The following GRM3 variants were observed in gnomAD, a reference collection of about 807,000 sequenced individuals.
GRM3 encodes glutamate metabotropic receptor 3.
Under a neutral mutation model 70.5 loss-of-function variants are expected in GRM3, and 26 were observed. That is an observed-to-expected ratio of 0.37 (90% CI 0.27 to 0.51). GRM3 has a LOEUF of 0.51. Ranked by LOEUF, GRM3 falls within the 20% of genes least tolerant of loss-of-function variation. The pLI is 0.93. For synonymous variants in GRM3, 443 were observed against 434.9 expected, an observed-to-expected ratio of 1.02 and a Z score of -0.23; for missense variants, 859 against 1,123.8, an observed-to-expected ratio of 0.76 and a Z score of 3.37.
chr7:86,689,611 A>G (rs1407684731), intron 1 of GRM3, among the ~76,000 whole-genome samples: 1 of 152,130 alleles, frequency 6.6e-6, no homozygotes, highest in Non-Finnish European at 1.5e-5. Context: ...ACAGTTTGGG[A>G]CAGATGTACT....
At chr7:86,681,699 A>G (rs952424893) in intron 1 of GRM3, among the ~76,000 whole-genome samples, 2 of 152,156 alleles carry the variant, frequency 1.3e-5, no homozygotes, top group African/African-American at 4.8e-5. Flanking sequence ...AACATCTCAC[A>G]TATGGGTTTT....
In GRM3 at chr7:86,864,278, C is replaced by T; in HGVS notation, c.2567-4C>T. 1 of 1,515,514 alleles carries T rather than the reference C, an allele frequency of 6.6e-7. No homozygotes were observed. Among genetic ancestry groups the T allele is most frequent in the Middle Eastern group, 1.7e-4 (1 of 5,878 alleles). 93.9% of individuals were successfully genotyped at this position (1,515,514 alleles called of 1,614,324 possible). On this transcript the variant is annotated splice_region_variant and splice_polypyrimidine_tract_variant and intron_variant, in intron 5 of 5. Coordinates refer to ENST00000361669, the MANE Select transcript of GRM3 (RefSeq NM_000840.3). Reference sequence around the variant, plus strand: ...TGAGTTTTCTGTCCCACTTTGTTTTCCAGCCTCTGCAAGCACGTATGTGCC... The same window carrying T: ...TGAGTTTTCTGTCCCACTTTGTTTTTCAGCCTCTGCAAGCACGTATGTGCC...
intron 1 of GRM3, among the ~76,000 whole-genome samples, chr7:86,697,067 G>T (rs75444013): frequency 0.013 from 2,041 of 152,164 alleles, 38 homozygotes; most frequent in African/African-American, 0.047. Context: ...TGACTTATAG[G>T]TATGTGTTAA....
At chr7:86,668,726 T>C (rs929286782) in intron 1 of GRM3, among the ~76,000 whole-genome samples, 1 of 152,110 alleles carries the variant, frequency 6.6e-6, no homozygotes, top group Non-Finnish European at 1.5e-5. Context: ...TAACTGTCAT[T>C]GAGGAAGAGG....
intron 1 of GRM3, among the ~76,000 whole-genome samples, chr7:86,655,252 T>C (rs1793706159): frequency 6.6e-6 from 1 of 152,168 alleles, no homozygotes; most frequent in Non-Finnish European, 1.5e-5. Context: ...TATATTTAAG[T>C]CCAACTTCAA....
chr7:86,653,265 G>A (rs1162911984), intron 1 of GRM3, among the ~76,000 whole-genome samples: 1 of 152,148 alleles, frequency 6.6e-6, no homozygotes, highest in Non-Finnish European at 1.5e-5. Flanking sequence ...ATCTCCCAAA[G>A]GCCCTGTTAG....
intron 5 of GRM3, among the ~76,000 whole-genome samples, chr7:86,853,345 G>A (rs776773189): frequency 6.6e-5 from 10 of 152,120 alleles, no homozygotes; most frequent in Non-Finnish European, 1.2e-4. Flanking sequence ...CTATGGAATT[G>A]AGTTCTGTGT....
intron 1 of GRM3, among the ~76,000 whole-genome samples, chr7:86,684,376 C>G (rs937801354): frequency 2.0e-5 from 3 of 152,134 alleles, no homozygotes; most frequent in African/African-American, 7.2e-5. Flanking sequence ...CATTATTTGG[C>G]ACATGGTAAA....
intron 1 of GRM3, among the ~76,000 whole-genome samples, chr7:86,669,004 C>A (rs1794103731): frequency 2.0e-5 from 3 of 152,080 alleles, no homozygotes; most frequent in Admixed American, 6.6e-5. Context: ...ATGGAAAGTT[C>A]CTGTCTTACT....
chr7:86,822,336 G>GA (rs1389862730), intron 3 of GRM3, among the ~76,000 whole-genome samples: 6 of 151,942 alleles, frequency 3.9e-5, no homozygotes, highest in Admixed American at 6.6e-5. Context: ...AAGATATACA[G>GA]AAAAAAATAT....
intron 1 of GRM3, among the ~76,000 whole-genome samples, chr7:86,703,298 C>T (rs1794986746): frequency 6.6e-6 from 1 of 151,942 alleles, no homozygotes; most frequent in African/African-American, 2.4e-5. Context: ...AGATCTCTTG[C>T]TTACTACCTC....
chr7:86,685,817 A>AATTG (rs748803877), intron 1 of GRM3, among the ~76,000 whole-genome samples: 2 of 151,580 alleles, frequency 1.3e-5, no homozygotes, highest in Non-Finnish European at 2.9e-5. Flanking sequence ...GAGGCAAGAG[A>AATTG]ATTGCTTGAA....
At chr7:86,729,640 A>C (rs911519035) in intron 1 of GRM3, among the ~76,000 whole-genome samples, 4 of 152,270 alleles carry the variant, frequency 2.6e-5, no homozygotes, top group Non-Finnish European at 4.4e-5. Flanking sequence ...TTATGTATGT[A>C]CATACACAAA....
At chr7:86,670,107 T>C (rs1334342603) in intron 1 of GRM3, among the ~76,000 whole-genome samples, 1 of 152,208 alleles carries the variant, frequency 6.6e-6, no homozygotes, top group Non-Finnish European at 1.5e-5. Context: ...TTCTGTTTCC[T>C]TAATGTAAGT....
intron 1 of GRM3, among the ~76,000 whole-genome samples, chr7:86,698,580 T>TACAC (rs568577426): frequency 1.0e-4 from 15 of 146,908 alleles, no homozygotes; most frequent in African/African-American, 3.8e-4. Flanking sequence ...ATATATACAA[T>TACAC]ACACACACAC....
intron 4 of GRM3, among the ~76,000 whole-genome samples, chr7:86,846,615 A>G (rs551973954): frequency 1.4e-4 from 22 of 152,320 alleles, no homozygotes; most frequent in Admixed American, 1.4e-3. Flanking sequence ...AACAACAGCC[A>G]AGGCATCAGT....
intron 1 of GRM3, among the ~76,000 whole-genome samples, chr7:86,740,655 G>A (rs756718428): frequency 6.6e-6 from 1 of 152,134 alleles, no homozygotes; most frequent in Non-Finnish European, 1.5e-5. Context: ...GTCTAATTAT[G>A]GTAGAGACAG....
rs562149810 is a variant in GRM3, at chr7:86,657,624, C to A, written c.-141+12752C>A. On this transcript the variant is annotated intron_variant, in intron 1 of 5. Transcript: ENST00000361669. The stretch of plus-strand genomic sequence containing the variant: ...ATTTCTCCTGTAGGCAGAGGAAAAT[C>A]TCTGAAGACACTTGAGCAGGGGAAT... 2.0e-5 allele frequency among the ~76,000 whole-genome samples: 3 copies of A among 152,226 alleles called. No homozygotes were observed. In the East Asian group the frequency reaches 5.8e-4, roughly 29 times the overall value.
intron 5 of GRM3, among the ~76,000 whole-genome samples, chr7:86,857,130 G>GTTTT (rs1798865202): frequency 7.1e-6 from 1 of 140,540 alleles, no homozygotes; most frequent in African/African-American, 3.0e-5. Flanking sequence ...CAAATTCAAT[G>GTTTT]GTTTTTTTTT....
Sources: allele counts gnomAD v4.1 joint callset (sites outside exome capture counted in the v4.1 genomes callset), GRCh38; gene constraint gnomAD v4.1.1; transcripts MANE v1.5; gene names NCBI Gene and HGNC (gene_info 2026-07-23, HGNC 2026-07-21).